The following AGBL1 variants were observed in gnomAD, a reference collection of about 807,000 sequenced individuals.
AGBL1 encodes the protein cytosolic carboxypeptidase 4.
Under a neutral mutation model 118.9 loss-of-function variants are expected in AGBL1, and 130 were observed. The observed-to-expected ratio is 1.09, with a 90% CI of 0.95 to 1.26. AGBL1 has a LOEUF of 1.26. Ranked by LOEUF, AGBL1 falls within the 50% of genes most tolerant of loss-of-function variation. AGBL1 has a pLI of 0.00. For synonymous variants in AGBL1, 555 were observed against 478.9 expected (o/e 1.16, Z -2.08); for missense variants, 1,584 against 1,298.1 (o/e 1.22, Z -3.38).
intron 7 of AGBL1, among the ~76,000 whole-genome samples, chr15:86,248,818 G>C (rs1253615069): frequency 6.6e-6 from 1 of 152,164 alleles, no homozygotes; most frequent in Non-Finnish European, 1.5e-5. Flanking sequence ...TGAAGTAAGG[G>C]CATAGGTCTA....
intron 22 of AGBL1, among the ~76,000 whole-genome samples, chr15:86,764,708 C>A (rs1350566449): frequency 6.6e-6 from 1 of 151,960 alleles, no homozygotes; most frequent in East Asian, 1.9e-4. Context: ...TTTCTTAAGC[C>A]CACTTTGCCT....
chr15:86,082,223 T>G (rs1312726863), intron 1 of AGBL1, among the ~76,000 whole-genome samples: 7 of 152,230 alleles, frequency 4.6e-5, no homozygotes. Context: ...ATGGATTTGA[T>G]GTCCTGTCCC....
intron 24 of AGBL1, among the ~76,000 whole-genome samples, chr15:86,995,578 A>G (rs985425992): frequency 2.6e-5 from 4 of 152,220 alleles, no homozygotes; most frequent in African/African-American, 9.6e-5. Flanking sequence ...GATTATTTCC[A>G]GAAGGAAGGC....
At chr15:86,707,799 A>G (rs888015032) in intron 22 of AGBL1, among the ~76,000 whole-genome samples, 1 of 152,172 alleles carries the variant, frequency 6.6e-6, no homozygotes, top group Non-Finnish European at 1.5e-5. Context: ...TTTTCCTAGA[A>G]GTAGAAGCTG....
intron 1 of AGBL1, among the ~76,000 whole-genome samples, chr15:86,112,430 A>G (rs943636645): frequency 6.6e-6 from 1 of 152,252 alleles, no homozygotes. Context: ...TCACATTAAT[A>G]AAAATGTCCT....
In AGBL1 at chr15:86,891,163, G is replaced by A. The variant is rs141060863; in HGVS notation, c.3159-15924G>A. Among the ~76,000 whole-genome samples the A allele has an allele frequency of 6.6e-3, 1,001 of 152,042 alleles. 20 individuals carry two copies. The highest frequency in any genetic ancestry group is 0.022 in the African/African-American group (929 of 41,496). On this transcript the variant is annotated intron_variant, in intron 22 of 22. Coordinates refer to ENST00000614907, the MANE Select transcript of AGBL1 (RefSeq NM_001386094.1). Reference sequence around the variant, plus strand: ...TTGTAGTAATTGTGAATGGGAGTTCGTTCATGATTTGGTTCTCTGCTTGCC... The same window carrying A: ...TTGTAGTAATTGTGAATGGGAGTTCATTCATGATTTGGTTCTCTGCTTGCC...
chr15:86,119,445 T>C (rs1474924991), intron 1 of AGBL1, among the ~76,000 whole-genome samples: 1 of 152,092 alleles, frequency 6.6e-6, no homozygotes, highest in African/African-American at 2.4e-5. Flanking sequence ...CTGCCAACGG[T>C]TGCTGAGTTC....
chr15:86,766,206 G>A (rs2078094849), intron 22 of AGBL1, among the ~76,000 whole-genome samples: 1 of 151,886 alleles, frequency 6.6e-6, no homozygotes, highest in Non-Finnish European at 1.5e-5. Flanking sequence ...GGAGCCAAGA[G>A]TCAAACCCAA....
intron 17 of AGBL1, among the ~76,000 whole-genome samples, chr15:86,359,113 G>A (rs2080764147): frequency 6.6e-6 from 1 of 151,836 alleles, no homozygotes; most frequent in Admixed American, 6.6e-5. Context: ...ATATTAACAA[G>A]CTTTTCCTCT....
At chr15:86,627,281 T>C (rs2084902962) in intron 21 of AGBL1, among the ~76,000 whole-genome samples, 1 of 152,228 alleles carries the variant, frequency 6.6e-6, no homozygotes, top group South Asian at 2.1e-4. Flanking sequence ...ATTGCAGGTG[T>C]GAGCCACTGT....
intron 18 of AGBL1, among the ~76,000 whole-genome samples, chr15:86,455,738 G>T (rs535458835): frequency 6.6e-6 from 1 of 152,118 alleles, no homozygotes; most frequent in South Asian, 2.1e-4. Context: ...ACTCTCTGAG[G>T]TACATATCAT....
chr15:86,796,616 CT>C (rs994711873), intron 22 of AGBL1, among the ~76,000 whole-genome samples: 4 of 152,150 alleles, frequency 2.6e-5, no homozygotes, highest in African/African-American at 7.2e-5. Context: ...TCTGAAATGG[CT>C]TTGTTTGGTT....
chr15:86,402,839 G>A (rs557978653), intron 18 of AGBL1, among the ~76,000 whole-genome samples: 1 of 152,052 alleles, frequency 6.6e-6, no homozygotes, highest in African/African-American at 2.4e-5. Flanking sequence ...AGCAACACAT[G>A]TCTGAACAGG....
chr15:86,479,036 A>G (rs2142118981), intron 18 of AGBL1, among the ~76,000 whole-genome samples: 2 of 152,358 alleles, frequency 1.3e-5, no homozygotes, highest in South Asian at 4.1e-4. Flanking sequence ...CCACATGTAG[A>G]AAGCTGAAAC....
intron 22 of AGBL1, among the ~76,000 whole-genome samples, chr15:86,748,731 T>C (rs2077798290): frequency 6.6e-6 from 1 of 151,900 alleles, no homozygotes; most frequent in Non-Finnish European, 1.5e-5. Flanking sequence ...TACATATGGC[T>C]AGTCAGTTTT....
intron 23 of AGBL1, among the ~76,000 whole-genome samples, chr15:86,927,061 C>T (rs910668877): frequency 2.6e-5 from 4 of 151,754 alleles, no homozygotes; most frequent in African/African-American, 9.7e-5. Flanking sequence ...ATCGCTTGAA[C>T]CCAGAAGGCA....
chr15:86,692,716 G>A (rs748181535), intron 22 of AGBL1, among the ~76,000 whole-genome samples: 29 of 152,188 alleles, frequency 1.9e-4, no homozygotes, highest in African/African-American at 6.7e-4. Flanking sequence ...CACCTGAGCA[G>A]TATACACGGA....
chr15:86,111,254 G>T (rs1007199323), intron 1 of AGBL1, among the ~76,000 whole-genome samples: 2 of 152,200 alleles, frequency 1.3e-5, no homozygotes, highest in Admixed American at 1.3e-4. Flanking sequence ...GGATGGACTG[G>T]GAATGGGAGA....
intron 21 of AGBL1, among the ~76,000 whole-genome samples, chr15:86,606,228 T>A (rs1165387978): frequency 1.3e-5 from 2 of 151,946 alleles, no homozygotes; most frequent in African/African-American, 4.8e-5. Context: ...AGGTCTGAGA[T>A]TTGGCTACTG....
Sources: allele counts gnomAD v4.1 joint callset (sites outside exome capture counted in the v4.1 genomes callset), GRCh38; gene constraint gnomAD v4.1.1; transcripts MANE v1.5; gene names NCBI Gene and HGNC (gene_info 2026-07-23, HGNC 2026-07-21).